ANKRD12: variants seen among roughly 807,000 people sequenced by gnomAD.
ANKRD12 encodes the protein ankyrin repeat domain 12.
In ANKRD12, 85 loss-of-function variants were observed where a neutral mutation model predicts 183.4. The observed-to-expected ratio is 0.46, with a 90% CI of 0.39 to 0.56. The LOEUF is 0.56. ANKRD12 is among the 20% of genes least tolerant of loss of function. The pLI, the probability that ANKRD12 is intolerant of heterozygous loss-of-function variation, is 0.00. For synonymous variants in ANKRD12, 914 were observed against 800.2 expected, an observed-to-expected ratio of 1.14 and a Z score of -2.40; for missense variants, 2,405 against 2,357.1, an observed-to-expected ratio of 1.02 and a Z score of -0.42.
intron 1 of ANKRD12, among the ~76,000 whole-genome samples, chr18:9,180,639 C>T (rs894699454): frequency 2.0e-5 from 3 of 152,054 alleles, no homozygotes; most frequent in South Asian, 4.1e-4. Context: ...TTACAGTATA[C>T]ATCTTGCACC....
chr18:9,159,362 T>G (rs944244105), intron 1 of ANKRD12, among the ~76,000 whole-genome samples: 2 of 152,202 alleles, frequency 1.3e-5, no homozygotes, highest in African/African-American at 4.8e-5. Context: ...TTCTGACTTG[T>G]CTGTCTGTAA....
intron 2 of ANKRD12, among the ~76,000 whole-genome samples, chr18:9,190,895 T>G (rs1390392903): frequency 6.6e-6 from 1 of 152,228 alleles, no homozygotes; most frequent in Non-Finnish European, 1.5e-5. Flanking sequence ...TTTGTCATTA[T>G]AATTGCTTTA....
chr18:9,203,497 GTCTGC>G (rs2035296090), intron 3 of ANKRD12, among the ~76,000 whole-genome samples: 2 of 152,056 alleles, frequency 1.3e-5, no homozygotes, highest in African/African-American at 4.8e-5. Context: ...AAGTAAAAAT[GTCTGC>G]TCTGGCCATA....
At chr18:9,151,575 A>G (rs1211015882) in intron 1 of ANKRD12, among the ~76,000 whole-genome samples, 2 of 152,198 alleles carry the variant, frequency 1.3e-5, no homozygotes, top group African/African-American at 2.4e-5. Flanking sequence ...ATCACACTAC[A>G]TAAAAAGTGA....
In ANKRD12 at chr18:9,255,567, T is replaced by C. The variant is rs760618238; in HGVS notation, c.2300T>C (p.Ile767Thr). Reference sequence around the variant, plus strand: ...GAGAAATCTTTTAGGGAGGAAAAAATAAAAGATCTAAAAGAAGAGAGAGAA... The same window carrying C: ...GAGAAATCTTTTAGGGAGGAAAAAACAAAAGATCTAAAAGAAGAGAGAGAA... ...ESEKSFREEK[I>T]KDLKEERENI... Residue 767 changes from isoleucine to threonine, a missense_variant, in exon 9 of 13, where the codon ATA becomes ACA. Transcript: ENST00000262126. The C allele has an allele frequency of 1.0e-5, 16 of 1,564,992 alleles. No homozygotes were observed. Among genetic ancestry groups the C allele is most frequent in the Admixed American group, 2.2e-5 (1 of 45,254 alleles).
chr18:9,280,239 C>G (rs1304144564), intron 12 of ANKRD12, among the ~76,000 whole-genome samples: 1 of 152,080 alleles, frequency 6.6e-6, no homozygotes, highest in East Asian at 1.9e-4. Context: ...ACCTAGAACC[C>G]TCGCATGTGC....
Position 9,258,168 on chromosome 18 carries a change from AAAAC to A in ANKRD12, c.4906_4909del (p.Lys1636TrpfsTer6). Reference sequence around the variant, plus strand: ...ACTCAGGTCATTTCACATGAAAAAGAAAACAAACTGGAGAGTTTGGTTTTAACTC... The same window carrying A: ...ACTCAGGTCATTTCACATGAAAAAGAAAACTGGAGAGTTTGGTTTTAACTC... On this transcript the variant is annotated frameshift_variant, in exon 9 of 13. Transcript: ENST00000262126. LOFTEE classifies it high-confidence loss of function. 1 of 1,613,888 alleles carries A rather than the reference AAAAC, an allele frequency of 6.2e-7. No homozygotes were observed. Among genetic ancestry groups the A allele is most frequent in the Non-Finnish European group, 8.5e-7 (1 of 1,179,978 alleles).
At chr18:9,208,260 G>C (rs1166948456) in intron 4 of ANKRD12, among the ~76,000 whole-genome samples, 1 of 152,152 alleles carries the variant, frequency 6.6e-6, no homozygotes, top group African/African-American at 2.4e-5. Flanking sequence ...ATTTGAAGGA[G>C]CATTGCTATA....
intron 1 of ANKRD12, among the ~76,000 whole-genome samples, chr18:9,150,542 G>T (rs1031908773): frequency 6.6e-6 from 1 of 152,062 alleles, no homozygotes; most frequent in African/African-American, 2.4e-5. Flanking sequence ...ACATTGTTGA[G>T]GACAGTTTAT....
At chr18:9,140,396 C>T (rs918441820) in intron 1 of ANKRD12, among the ~76,000 whole-genome samples, 1 of 152,152 alleles carries the variant, frequency 6.6e-6, no homozygotes, top group Non-Finnish European at 1.5e-5. Flanking sequence ...TTAGTTCTAA[C>T]CTTAGTTAAG....
intron 9 of ANKRD12, among the ~76,000 whole-genome samples, chr18:9,262,637 T>A (rs930071993): frequency 1.3e-5 from 2 of 151,790 alleles, no homozygotes. Flanking sequence ...TTTTTAAATT[T>A]TTTTTTTGAG....
rs139256685 is a variant in ANKRD12, at chr18:9,263,942, A to G, written c.5763+54A>G. 5.9e-3 allele frequency: 7,350 copies of G among 1,244,548 alleles called. 42 individuals are homozygous for G. Among genetic ancestry groups the G allele is most frequent in the Non-Finnish European group, 6.8e-3 (6,231 of 917,788 alleles). 77.1% of individuals were successfully genotyped at this position (1,244,548 alleles called of 1,614,324 possible). The stretch of plus-strand genomic sequence containing the variant: ...CTAAAAATAACTGGTTTCTAGCAAT[A>G]AATTAAAATGGCCTATAATTTTTTA... On this transcript the variant is annotated intron_variant, in intron 10 of 12. Transcript: ENST00000262126.
intron 2 of ANKRD12, among the ~76,000 whole-genome samples, chr18:9,186,226 G>T (rs899379203): frequency 1.3e-5 from 2 of 148,664 alleles, no homozygotes; most frequent in African/African-American, 5.0e-5. Context: ...TTTCTTAAAA[G>T]TGTAGCAACA....
At chr18:9,234,212 C>G (rs1467752960) in intron 8 of ANKRD12, among the ~76,000 whole-genome samples, 1 of 152,204 alleles carries the variant, frequency 6.6e-6, no homozygotes, top group African/African-American at 2.4e-5. Flanking sequence ...ACAGGCAGCT[C>G]TCTGTTTCGC....
chr18:9,184,068 C>G (rs1325615460), intron 2 of ANKRD12, among the ~76,000 whole-genome samples: 1 of 152,138 alleles, frequency 6.6e-6, no homozygotes, highest in African/African-American at 2.4e-5. Context: ...AATATAGCAG[C>G]TTTGCTTCAA....
intron 4 of ANKRD12, among the ~76,000 whole-genome samples, chr18:9,205,968 A>G (rs2035464287): frequency 6.6e-6 from 1 of 152,118 alleles, no homozygotes; most frequent in African/African-American, 2.4e-5. Context: ...CTTAATTGGG[A>G]TGTGAAGATG....
chr18:9,249,101 A>G lies in ANKRD12; in HGVS notation c.944-5110A>G, dbSNP rs138789171. 6.3e-3 allele frequency among the ~76,000 whole-genome samples: 964 copies of G among 152,316 alleles called. 7 individuals are homozygous for G. The highest frequency in any genetic ancestry group is 0.017 in the Middle Eastern group (5 of 294). Reference sequence around the variant, plus strand: ...ATTAAGCACTTACTATGTGCTAGACATTACGAAAGTCCTCTGTGTAGATCA... The same window carrying G: ...ATTAAGCACTTACTATGTGCTAGACGTTACGAAAGTCCTCTGTGTAGATCA... On this transcript the variant is annotated intron_variant, in intron 8 of 12. Transcript: ENST00000262126.
intron 8 of ANKRD12, among the ~76,000 whole-genome samples, chr18:9,227,503 A>G (rs959183554): frequency 1.3e-5 from 2 of 152,190 alleles, no homozygotes; most frequent in African/African-American, 4.8e-5. Flanking sequence ...GATTTCAGGG[A>G]AGCTATCAAA....
intron 1 of ANKRD12, among the ~76,000 whole-genome samples, chr18:9,139,426 AT>A (rs2078242763): frequency 6.6e-6 from 1 of 152,296 alleles, no homozygotes; most frequent in South Asian, 2.1e-4. Context: ...TGGAGAAGAG[AT>A]TTTTATTCTT....
Sources: gnomAD v4.1 joint callset for allele counts (sites outside exome capture counted in the v4.1 genomes callset) on GRCh38, gnomAD v4.1.1 for gene constraint, MANE v1.5 for transcripts, NCBI Gene and HGNC (gene_info 2026-07-23, HGNC 2026-07-21) for gene names.